The following LONRF3 variants were observed in gnomAD, a reference collection of about 807,000 sequenced individuals.
The protein encoded by LONRF3 is LON peptidase N-terminal domain and RING finger protein 3.
Under a neutral mutation model 51.7 loss-of-function variants are expected in LONRF3, and 19 were observed. That is an observed-to-expected ratio of 0.37 (90% CI 0.26 to 0.54). LONRF3 has a LOEUF of 0.54. Ranked by LOEUF, LONRF3 falls within the 20% of genes least tolerant of loss-of-function variation. The pLI is 0.86. For missense variants in LONRF3, 521 were observed against 623.9 expected, an observed-to-expected ratio of 0.84 and a Z score of 1.76; for synonymous variants, 265 against 257.8, an observed-to-expected ratio of 1.03 and a Z score of -0.27.
chrX:118,979,211 G>T (rs7063603), intron 2 of LONRF3, among the ~76,000 whole-genome samples: 1 of 109,252 alleles, frequency 9.2e-6, no homozygotes, highest in Non-Finnish European at 1.9e-5. Context: ...CACCGTGTTA[G>T]CCAGGATGGT....
rs749146469 is a variant in LONRF3, at chrX:119,014,362, G to GA, written c.2124+11dup. 1 of 1,204,965 alleles carries GA rather than the reference G, an allele frequency of 8.3e-7. No individual in the cohort carries two copies. The highest frequency in any genetic ancestry group is 1.1e-6 in the Non-Finnish European group (1 of 891,945). On this transcript the variant is annotated splice_region_variant and intron_variant, in intron 10 of 10. Transcript: ENST00000371628. ...AGAAAGACGCCGATCCTCAGGTATA[G>GA]AAAAATGTCTATTTTTAAACGGGTT... is the stretch of plus-strand genomic sequence containing the variant.
intron 2 of LONRF3, among the ~76,000 whole-genome samples, 195 bp downstream of exon 2, chrX:118,978,658 A>C (rs1345452371): frequency 2.7e-5 from 3 of 111,556 alleles, no homozygotes; most frequent in Non-Finnish European, 5.6e-5. Flanking sequence ...TCCCCAATTC[A>C]GTCTTCAACT....
At chrX:118,993,288 G>A (rs1195237473) in intron 5 of LONRF3, among the ~76,000 whole-genome samples, 6 of 111,654 alleles carry the variant, frequency 5.4e-5, no homozygotes, top group Admixed American at 3.8e-4. Flanking sequence ...CACAAGAAGT[G>A]AAGGGAGAAA....
chrX:119,014,130 C>A (rs981720800), intron 9 of LONRF3, 77 bp from the exon 10 acceptor site: 4 of 1,048,330 alleles, frequency 3.8e-6, no homozygotes, highest in South Asian at 4.5e-5. Context: ...ATGCTCAAAG[C>A]GAATCAGGTG....
intron 2 of LONRF3, among the ~76,000 whole-genome samples, chrX:118,981,636 G>A (rs1378093909): frequency 9.0e-6 from 1 of 111,357 alleles, no homozygotes; most frequent in Non-Finnish European, 1.9e-5. Flanking sequence ...AAACACTGCT[G>A]GGAGAAGCAA....
chrX:118,998,317 C>A (rs1482341357), intron 5 of LONRF3, among the ~76,000 whole-genome samples: 2 of 112,096 alleles, frequency 1.8e-5, no homozygotes, highest in Admixed American at 1.9e-4. Context: ...TTGCAGTGAC[C>A]TGGATGAGAT....
intron 1 of LONRF3, among the ~76,000 whole-genome samples, chrX:118,976,098 C>T (rs1191092073): frequency 8.8e-6 from 1 of 113,055 alleles, no homozygotes; most frequent in Non-Finnish European, 1.9e-5. Flanking sequence ...GGGCTGTAGC[C>T]AGCAGGAGAT....
At chrX:118,979,161 T>C (rs761226554) in intron 2 of LONRF3, among the ~76,000 whole-genome samples, 4 of 107,452 alleles carry the variant, frequency 3.7e-5, no homozygotes, top group South Asian at 4.1e-4. Flanking sequence ...CCACCACACC[T>C]GGCTAATTTT....
chrX:118,990,779 G>C (rs1923367369), intron 5 of LONRF3, among the ~76,000 whole-genome samples: 1 of 112,032 alleles, frequency 8.9e-6, no homozygotes, highest in Non-Finnish European at 1.9e-5. Context: ...AAAACCTGGA[G>C]AGTGGGAAGG....
At chrX:118,991,348 C>T (rs1923414121) in intron 5 of LONRF3, among the ~76,000 whole-genome samples, 2 of 110,253 alleles carry the variant, frequency 1.8e-5, no homozygotes, top group South Asian at 3.9e-4. Flanking sequence ...ATCTCAGTTA[C>T]ATGGGCAAGA....
chrX:119,011,356 G>A (rs1353033303), intron 7 of LONRF3, among the ~76,000 whole-genome samples: 1 of 110,941 alleles, frequency 9.0e-6, no homozygotes, highest in Non-Finnish European at 1.9e-5. Flanking sequence ...AGATGCCCTA[G>A]GGACCTTACA....
intron 7 of LONRF3, among the ~76,000 whole-genome samples, chrX:119,010,079 G>A: frequency 9.0e-6 from 1 of 111,651 alleles, no homozygotes; most frequent in South Asian, 3.8e-4. Context: ...CCACCTCATG[G>A]ACTTCTTATG....
In LONRF3 at chrX:118,975,074, G is replaced by T; in HGVS notation, c.294G>T (p.Gln98His). Reference protein sequence around the residue: ...EVYRQLSERQQLVAEQLEQLV... With the variant: ...EVYRQLSERQHLVAEQLEQLV... ...ATAGACAGCTCTCCGAGCGGCAGCA[G>T]CTGGTGGCTGAGCAGCTGGAGCAGC... Residue 98 changes from glutamine (Q) to histidine (H), a missense_variant, in exon 1 of 11, where the codon CAG becomes CAT. By Grantham distance (24) the Gln-to-His change is conservative (BLOSUM62 0). Transcript: ENST00000371628. The T allele has an allele frequency of 8.5e-7, 1 of 1,174,417 alleles. No individual in the cohort carries two copies.
chrX:118,980,804 T>TA (rs747229759), intron 2 of LONRF3, among the ~76,000 whole-genome samples: 175 of 111,275 alleles, frequency 1.6e-3, no homozygotes, highest in African/African-American at 5.5e-3. Context: ...AGGAACTTGA[T>TA]AGTGTGGTGA....
chrX:118,981,833 G>T (rs1015059430), intron 2 of LONRF3, among the ~76,000 whole-genome samples: 3 of 112,219 alleles, frequency 2.7e-5, no homozygotes, highest in East Asian at 5.6e-4. Flanking sequence ...TGTTAGAAAG[G>T]GGGGCAGGGG....
chrX:118,985,061 A>C (rs889624375), intron 3 of LONRF3, among the ~76,000 whole-genome samples: 7 of 112,364 alleles, frequency 6.2e-5, no homozygotes, highest in Non-Finnish European at 9.4e-5. Context: ...CTCACTGAGA[A>C]TTGACCCCAA....
chrX:119,002,095 G>A (rs1924357598), intron 5 of LONRF3, among the ~76,000 whole-genome samples: 1 of 112,348 alleles, frequency 8.9e-6, no homozygotes, highest in Admixed American at 9.4e-5. Context: ...ATTTTAAATT[G>A]TGAAATACAC....
chrX:118,992,975 T>C (rs1332783148), intron 5 of LONRF3, among the ~76,000 whole-genome samples: 1 of 109,583 alleles, frequency 9.1e-6, no homozygotes, highest in Admixed American at 9.7e-5. Context: ...AGGGGGAGAG[T>C]ACTACATCAA....
chrX:118,982,164 G>A (rs769504665), intron 2 of LONRF3, among the ~76,000 whole-genome samples: 1 of 112,085 alleles, frequency 8.9e-6, no homozygotes, highest in Non-Finnish European at 1.9e-5. Flanking sequence ...TGGTGAGGGA[G>A]CAGAAGTGAT....
Sources: gnomAD v4.1 joint callset for allele counts (sites outside exome capture counted in the v4.1 genomes callset) on GRCh38, gnomAD v4.1.1 for gene constraint, MANE v1.5 for transcripts, NCBI Gene and HGNC (gene_info 2026-07-23, HGNC 2026-07-21) for gene names.